Variants in TXNL1 observed in about 807,000 individuals in gnomAD.
TXNL1 encodes the protein thioredoxin-like protein 1.
TXNL1 carries 14 observed loss-of-function variants against 35.5 expected under a neutral mutation model. The ratio of observed to expected loss-of-function variants is 0.39; its 90% CI spans 0.26 to 0.62. The LOEUF (loss-of-function observed/expected upper bound fraction) is 0.62, where lower values mean the gene tolerates loss of function less well. TXNL1 is among the 20% of genes least tolerant of loss of function. The pLI is 0.47. For synonymous variants in TXNL1, 110 were observed against 115.5 expected, an observed-to-expected ratio of 0.95 and a Z score of 0.31; for missense variants, 263 against 349.7, an observed-to-expected ratio of 0.75 and a Z score of 1.98.
chr18:56,623,881 A>G (rs1035130737), intron 3 of TXNL1, among the ~76,000 whole-genome samples: 4 of 152,122 alleles, frequency 2.6e-5, no homozygotes, highest in Admixed American at 2.6e-4. Context: ...AGTGACAGTA[A>G]AAGGAGTTAA....
At chr18:56,614,347 T>TA (rs2144296513) in intron 6 of TXNL1, 77 bp downstream of exon 6, 2 of 1,310,906 alleles carry the variant, frequency 1.5e-6, no homozygotes, top group Non-Finnish European at 2.1e-6. Context: ...AAGAATCACT[T>TA]AGACTTACCT....
intron 5 of TXNL1, 123 bp from the exon 6 acceptor site, chr18:56,614,719 C>CCATT: frequency 1.3e-6 from 1 of 768,656 alleles, no homozygotes. Flanking sequence ...TCAAATAACT[C>CCATT]CATTATTAGA....
intron 1 of TXNL1, among the ~76,000 whole-genome samples, chr18:56,631,016 G>C (rs2144332653): frequency 6.6e-6 from 1 of 151,868 alleles, no homozygotes; most frequent in East Asian, 1.9e-4. Flanking sequence ...AAGCAGCTGA[G>C]ACTACAGGCA....
rs771096558 is a variant in TXNL1 at position 56,638,435 on chromosome 18, C to T, written c.6G>A (p.Val2=). M[V]GVKPVGSDPD... is the part of the protein sequence containing the mutation. ...GGTCGCTCCCGACGGGCTTCACCCC[C>T]ACCATCCTCACAGAGAGCCCGGCAG... Residue 2 remains valine (V), a synonymous_variant, in exon 1 of 8, where the codon GTG becomes GTA. Transcript: ENST00000217515. 6.2e-7 allele frequency: 1 copy of T among 1,612,580 alleles called. No homozygotes were observed. Among genetic ancestry groups the T allele is most frequent in the East Asian group, 2.2e-5 (1 of 44,834 alleles).
chr18:56,613,215 T>C (rs949670483), intron 6 of TXNL1, among the ~76,000 whole-genome samples: 2 of 152,202 alleles, frequency 1.3e-5, no homozygotes, highest in Non-Finnish European at 2.9e-5. Context: ...ACACATACTT[T>C]AGCATTCTTC....
chr18:56,614,465 G>C lies in TXNL1; in HGVS notation c.694C>G (p.Pro232Ala), dbSNP rs1464734527. ...EDDIKEDGIV[P>A]LRYVKFQNVN... ...TTCTGAAACTTAACATAACGAAGTG[G>C]AACAATGCCATCTTCTTTAATATCA... Residue 232 changes from proline to alanine, a missense_variant, in exon 6 of 8, where the codon CCA becomes GCA. Coordinates refer to ENST00000217515, the MANE Select transcript of TXNL1 (RefSeq NM_004786.3). 6.2e-7 allele frequency: 1 copy of C among 1,613,732 alleles called. No individual in the cohort carries two copies. Among genetic ancestry groups the C allele is most frequent in the Non-Finnish European group, 8.5e-7 (1 of 1,179,918 alleles).
At position 56,602,928 on chromosome 18, in the gene TXNL1, G is replaced by T; in HGVS notation, c.*99C>A. On this transcript the variant is annotated 3_prime_UTR_variant, in exon 8 of 8. Coordinates refer to ENST00000217515, the MANE Select transcript of TXNL1 (RefSeq NM_004786.3). ...ACAAAAGCAATGATTTATTGGTAATGGCAATGAATGAAACATTGACAGTCT... is the reference window on the plus strand; with the variant it reads ...ACAAAAGCAATGATTTATTGGTAATTGCAATGAATGAAACATTGACAGTCT... 2 of 1,216,906 alleles carry T rather than the reference G, an allele frequency of 1.6e-6. No homozygotes were observed. The highest frequency in any genetic ancestry group is 1.5e-5 in the African/African-American group (1 of 66,788). 75.4% of individuals were successfully genotyped at this position (1,216,906 alleles called of 1,614,324 possible).
chr18:56,613,911 T>TA (rs1395769854), intron 6 of TXNL1, among the ~76,000 whole-genome samples: 3 of 152,062 alleles, frequency 2.0e-5, no homozygotes, highest in African/African-American at 7.2e-5. Context: ...TGCATGCCTG[T>TA]AATCCCAGCT....
chr18:56,610,740 C>A (rs1598913246), intron 7 of TXNL1: 1 of 227,320 alleles, frequency 4.4e-6, no homozygotes, highest in East Asian at 1.1e-4. Flanking sequence ...TTATTTTTAC[C>A]CTTATGTTGA....
intron 1 of TXNL1, among the ~76,000 whole-genome samples, chr18:56,628,337 T>A (rs2024319322): frequency 6.6e-6 from 1 of 152,146 alleles, no homozygotes; most frequent in African/African-American, 2.4e-5. Context: ...CCATCAAAAT[T>A]CCTGGGGAAT....
intron 1 of TXNL1, among the ~76,000 whole-genome samples, chr18:56,635,879 C>G (rs558361844): frequency 2.0e-5 from 3 of 152,194 alleles, no homozygotes; most frequent in Non-Finnish European, 4.4e-5. Context: ...CTCCCATATA[C>G]TTTAAATCAT....
At chr18:56,633,983 CAAAAAAAAAAAA>C (rs71169380) in intron 1 of TXNL1, among the ~76,000 whole-genome samples, 2 of 51,318 alleles carry the variant, frequency 3.9e-5, no homozygotes, top group Non-Finnish European at 6.3e-5. Flanking sequence ...GACTCCATCT[CAAAAAAAAAAAA>C]AAAAAAAAAA....
chr18:56,599,089 T>G lies in TXNL1; in HGVS notation c.*3938A>C, dbSNP rs1365898792. On this transcript the variant is annotated 3_prime_UTR_variant, in exon 8 of 8. Coordinates refer to ENST00000217515, the MANE Select transcript of TXNL1 (RefSeq NM_004786.3). Reference sequence around the variant, plus strand: ...CTAGCAGTTTTAACATTGCATATCCTTAAGATTTTAATATTCCAAGCTGTG... The same window carrying G: ...CTAGCAGTTTTAACATTGCATATCCGTAAGATTTTAATATTCCAAGCTGTG... 6.6e-6 allele frequency: 1 copy of G among 152,216 alleles called. No individual in the cohort carries two copies. The highest frequency in any genetic ancestry group is 1.5e-5 in the Non-Finnish European group (1 of 68,034). The allele number at this position is 152,216 out of a possible 1,614,324, so 9.4% of individuals were successfully genotyped here.
chr18:56,622,083 C>T (rs966404508), intron 3 of TXNL1, among the ~76,000 whole-genome samples: 3 of 150,494 alleles, frequency 2.0e-5, no homozygotes, highest in Non-Finnish European at 3.0e-5. Context: ...TACTCATTAG[C>T]CACATGTGGC....
chr18:56,631,408 T>C (rs2024368525), intron 1 of TXNL1, among the ~76,000 whole-genome samples: 1 of 152,136 alleles, frequency 6.6e-6, no homozygotes, highest in African/African-American at 2.4e-5. Context: ...CTTTGCACAA[T>C]CTACGATTTC....
Position 56,611,845 on chromosome 18 carries a change from A to ATTTTTTTTTTTTT in TXNL1, c.736-761_736-749dup. Among the ~76,000 whole-genome samples the ATTTTTTTTTTTTT allele has an allele frequency of 1.7e-5, 2 of 116,490 alleles. 1 individual carries two copies. The highest frequency in any genetic ancestry group is 6.1e-4 in the South Asian group (2 of 3,286). 76.4% of individuals were successfully genotyped at this position (116,490 alleles called of 152,430 possible). ...AGTAGCCCACCAGCACACCCGGCTA[A>ATTTTTTTTTTTTT]TTTTTTTTTTTTTTTTTTTAAGAGA... On this transcript the variant is annotated intron_variant, in intron 6 of 7. Coordinates refer to ENST00000217515, the MANE Select transcript of TXNL1 (RefSeq NM_004786.3).
intron 1 of TXNL1, among the ~76,000 whole-genome samples, chr18:56,628,205 C>T (rs2024317171): frequency 6.6e-6 from 1 of 152,082 alleles, no homozygotes; most frequent in African/African-American, 2.4e-5. Flanking sequence ...GCAAAAATAG[C>T]TACAAGAAGA....
At chr18:56,625,085 T>C (rs2024254326) in intron 2 of TXNL1, among the ~76,000 whole-genome samples, 1 of 152,120 alleles carries the variant, frequency 6.6e-6, no homozygotes, top group South Asian at 2.1e-4. Flanking sequence ...AAGCTTTTCA[T>C]GACAAGTATA....
chr18:56,627,147 A>T (rs1408890177), intron 1 of TXNL1, among the ~76,000 whole-genome samples: 1 of 152,090 alleles, frequency 6.6e-6, no homozygotes, highest in African/African-American at 2.4e-5. Context: ...AGTTATTTAC[A>T]TATACTTGTA....
Sources: allele counts gnomAD v4.1 joint callset (sites outside exome capture counted in the v4.1 genomes callset), GRCh38; gene constraint gnomAD v4.1.1; transcripts MANE v1.5; gene names NCBI Gene and HGNC (gene_info 2026-07-23, HGNC 2026-07-21).